MGAT4C: variants seen among roughly 807,000 people sequenced by gnomAD.
MGAT4C encodes alpha-1,3-mannosyl-glycoprotein 4-beta-N-acetylglucosaminyltransferase C.
A neutral mutation model predicts 40.1 loss-of-function variants in MGAT4C; 19 were observed. The observed-to-expected ratio is 0.47, with a 90% CI of 0.33 to 0.70. The LOEUF is 0.70. MGAT4C is among the 30% of genes least tolerant of loss of function. The pLI, the probability that MGAT4C is intolerant of heterozygous loss-of-function variation, is 0.02. For missense variants in MGAT4C, 491 were observed against 563.2 expected (o/e 0.87, Z 1.30); for synonymous variants, 181 against 187.1 (o/e 0.97, Z 0.27).
chr12:86,122,563 C>T lies in MGAT4C; in HGVS notation c.-56-72840G>A, dbSNP rs769669828. 7.5e-4 allele frequency among the ~76,000 whole-genome samples: 114 copies of T among 152,182 alleles called. 1 individual carries two copies. The highest frequency in any genetic ancestry group is 7.8e-4 in the Non-Finnish European group (53 of 67,974). On this transcript the variant is annotated intron_variant, in intron 1 of 4. Coordinates refer to ENST00000611864, the MANE Select transcript of MGAT4C (RefSeq NM_001351288.2). ...TAACATCTCTAAAGTGGTGTGCAAGCATTTCATCTACGTTAATTATACAAA... is the reference window on the plus strand; with the variant it reads ...TAACATCTCTAAAGTGGTGTGCAAGTATTTCATCTACGTTAATTATACAAA...
intron 2 of MGAT4C, among the ~76,000 whole-genome samples, chr12:86,026,860 C>T (rs1890289481): frequency 6.6e-6 from 1 of 151,850 alleles, no homozygotes; most frequent in African/African-American, 2.4e-5. Flanking sequence ...CTCTAGAGTC[C>T]AGAAGATTAC....
At chr12:86,306,204 C>T (rs182514164) in intron 4 of MGAT4C, among the ~76,000 whole-genome samples, 1 of 150,408 alleles carries the variant, frequency 6.6e-6, no homozygotes, top group Admixed American at 6.6e-5. Flanking sequence ...AGTTCCACTC[C>T]TAGGAAATTA....
chr12:86,083,722 T>A (rs1468665872), intron 1 of MGAT4C, among the ~76,000 whole-genome samples: 1 of 152,040 alleles, frequency 6.6e-6, no homozygotes, highest in Admixed American at 6.6e-5. Flanking sequence ...CCTTGCCAAG[T>A]CTTTCTGCTC....
chr12:86,045,680 T>A (rs1378435883), intron 2 of MGAT4C, among the ~76,000 whole-genome samples: 3 of 152,184 alleles, frequency 2.0e-5, no homozygotes, highest in Admixed American at 2.0e-4. Context: ...AGAACAACAA[T>A]CTGATTTCTA....
At chr12:86,498,788 T>G (rs563893713) in intron 2 of MGAT4C, among the ~76,000 whole-genome samples, 1 of 152,102 alleles carries the variant, frequency 6.6e-6, no homozygotes, top group East Asian at 1.9e-4. Flanking sequence ...CAGGAAAAAG[T>G]GATCTCTCAT....
intron 1 of MGAT4C, among the ~76,000 whole-genome samples, chr12:86,193,988 C>T (rs1262374912): frequency 6.6e-6 from 1 of 152,086 alleles, no homozygotes; most frequent in Admixed American, 6.6e-5. Flanking sequence ...TTATTTCTCT[C>T]TTTCCTTTTA....
intron 4 of MGAT4C, among the ~76,000 whole-genome samples, chr12:86,326,999 T>C (rs930680721): frequency 3.9e-5 from 6 of 152,110 alleles, no homozygotes; most frequent in Non-Finnish European, 5.9e-5. Context: ...AGATGGCTCA[T>C]CCACCCTTTC....
chr12:86,744,001 A>G (rs1281440151), intron 1 of MGAT4C, among the ~76,000 whole-genome samples: 1 of 151,780 alleles, frequency 6.6e-6, no homozygotes, highest in East Asian at 1.9e-4. Context: ...CAAAGAAACC[A>G]ACAAGGCATA....
At chr12:86,658,151 T>A (rs1477455646) in intron 2 of MGAT4C, among the ~76,000 whole-genome samples, 1 of 152,064 alleles carries the variant, frequency 6.6e-6, no homozygotes, top group Non-Finnish European at 1.5e-5. Flanking sequence ...AAGGCATTTA[T>A]ACAAAATGTA....
chr12:86,438,791 A>C (rs1423988721), intron 2 of MGAT4C, among the ~76,000 whole-genome samples: 1 of 151,908 alleles, frequency 6.6e-6, no homozygotes, highest in Non-Finnish European at 1.5e-5. Flanking sequence ...TATATTCCAC[A>C]CAAATGGAAA....
intron 1 of MGAT4C, among the ~76,000 whole-genome samples, chr12:86,203,972 A>G (rs1950151463): frequency 6.8e-6 from 1 of 146,656 alleles, no homozygotes; most frequent in Non-Finnish European, 1.5e-5. Flanking sequence ...AAAAAAAAAA[A>G]GAAATATATA....
At chr12:86,308,704 A>G (rs1167963447) in intron 4 of MGAT4C, among the ~76,000 whole-genome samples, 3 of 150,664 alleles carry the variant, frequency 2.0e-5, no homozygotes, top group Non-Finnish European at 4.4e-5. Context: ...TCTTGCTTCA[A>G]TCAAATACAG....
chr12:86,510,812 C>T (rs1427219300), intron 2 of MGAT4C, among the ~76,000 whole-genome samples: 3 of 152,036 alleles, frequency 2.0e-5, no homozygotes, highest in East Asian at 1.9e-4. Context: ...ATATATGCAC[C>T]CAATACAGGA....
chr12:86,360,233 A>G (rs1955431018), intron 3 of MGAT4C, among the ~76,000 whole-genome samples: 2 of 152,170 alleles, frequency 1.3e-5, no homozygotes, highest in African/African-American at 4.8e-5. Context: ...AAAGACAAAA[A>G]CAACATGATT....
chr12:86,149,515 A>G (rs927687115), intron 1 of MGAT4C, among the ~76,000 whole-genome samples: 7 of 152,220 alleles, frequency 4.6e-5, no homozygotes, highest in Non-Finnish European at 1.0e-4. Flanking sequence ...ACAAATTCCA[A>G]GCATCTCAGG....
intron 1 of MGAT4C, among the ~76,000 whole-genome samples, chr12:86,102,915 A>C (rs2135601736): frequency 6.6e-6 from 1 of 152,316 alleles, no homozygotes; most frequent in Non-Finnish European, 1.5e-5. Context: ...GAAACAGGAA[A>C]GTTAGCACAA....
intron 2 of MGAT4C, among the ~76,000 whole-genome samples, chr12:86,686,176 G>A (rs959452924): frequency 2.0e-5 from 3 of 152,006 alleles, no homozygotes; most frequent in African/African-American, 7.2e-5. Context: ...ACTGCACCCG[G>A]CTGAATGCTT....
rs553663002 is a variant in MGAT4C at position 86,343,892 on chromosome 12, G to C, written c.-119-9765C>G. Among the ~76,000 whole-genome samples the C allele has an allele frequency of 4.0e-5, 6 of 151,632 alleles. No individual in the cohort carries two copies. The South Asian group carries it at 1.3e-3, about 32-fold the overall frequency. On this transcript the variant is annotated intron_variant, in intron 3 of 7. Coordinates refer to the MGAT4C transcript ENST00000548651. ...TTGAATGTGTTTTTTTTATAGGTCT[G>C]TGTGCTTACATATGAGTGCACGCCT...
intron 4 of MGAT4C, among the ~76,000 whole-genome samples, chr12:86,323,396 A>G (rs2136164721): frequency 6.6e-6 from 1 of 151,808 alleles, no homozygotes; most frequent in Admixed American, 6.6e-5. Context: ...GTTTTAATAT[A>G]TTTCATCTTT....
Sources: gnomAD v4.1 joint callset for allele counts (sites outside exome capture counted in the v4.1 genomes callset) on GRCh38, gnomAD v4.1.1 for gene constraint, MANE v1.5 for transcripts, NCBI Gene and HGNC (gene_info 2026-07-23, HGNC 2026-07-21) for gene names.